The following PRKAR2B variants were observed in gnomAD, a reference collection of about 807,000 sequenced individuals.
PRKAR2B encodes protein kinase cAMP-dependent type II regulatory subunit beta, also known as cAMP-dependent protein kinase type II-beta regulatory subunit.
Under a neutral mutation model 49.9 loss-of-function variants are expected in PRKAR2B, and 14 were observed. The observed-to-expected ratio is 0.28, with a 90% CI of 0.19 to 0.44. PRKAR2B has a LOEUF of 0.44. PRKAR2B is among the 20% of genes least tolerant of loss of function. PRKAR2B has a pLI of 1.00. For missense variants in PRKAR2B, 393 were observed against 537.9 expected, an observed-to-expected ratio of 0.73 and a Z score of 2.67; for synonymous variants, 196 against 197.7, an observed-to-expected ratio of 0.99 and a Z score of 0.07.
intron 1 of PRKAR2B, chr7:107,069,782 G>A (rs1250872556): frequency 6.6e-6 from 1 of 152,518 alleles, no homozygotes; most frequent in Non-Finnish European, 1.5e-5. Context: ...TTCAGCTAAA[G>A]ATGATTTCAA....
intron 10 of PRKAR2B, among the ~76,000 whole-genome samples, chr7:107,159,066 C>G (rs967774656): frequency 2.6e-5 from 4 of 152,178 alleles, no homozygotes; most frequent in African/African-American, 7.2e-5. Context: ...GAGAAGGGAA[C>G]ACAGGATAGA....
intron 3 of PRKAR2B, among the ~76,000 whole-genome samples, chr7:107,122,579 A>G (rs1795407562): frequency 6.6e-6 from 1 of 152,202 alleles, no homozygotes; most frequent in Non-Finnish European, 1.5e-5. Flanking sequence ...CTAAAAGATG[A>G]CTATGCCTGG....
intron 2 of PRKAR2B, among the ~76,000 whole-genome samples, chr7:107,116,465 T>C (rs934627403): frequency 6.6e-6 from 1 of 152,200 alleles, no homozygotes; most frequent in Non-Finnish European, 1.5e-5. Context: ...ATAGTACATA[T>C]ATAATATTGA....
chr7:107,137,669 T>G (rs1371805989), intron 4 of PRKAR2B, among the ~76,000 whole-genome samples: 1 of 152,224 alleles, frequency 6.6e-6, no homozygotes, highest in Non-Finnish European at 1.5e-5. Context: ...ACCGGAAGTC[T>G]GTGTGAGAAT....
chr7:107,124,348 T>C (rs1050896095), intron 3 of PRKAR2B, among the ~76,000 whole-genome samples: 3 of 152,218 alleles, frequency 2.0e-5, no homozygotes, highest in Non-Finnish European at 4.4e-5. Context: ...GGCCTGGTGC[T>C]AGGTGTAAAG....
chr7:107,066,017 A>G (rs1794129400), intron 1 of PRKAR2B, among the ~76,000 whole-genome samples: 2 of 152,224 alleles, frequency 1.3e-5, no homozygotes, highest in African/African-American at 4.8e-5. Context: ...ATCTAGTGGA[A>G]TATAGTTTGG....
chr7:107,133,542 G>A (rs1401798129), intron 4 of PRKAR2B: 1 of 152,088 alleles, frequency 6.6e-6, no homozygotes, highest in Non-Finnish European at 1.5e-5. Context: ...AACTCATTTG[G>A]GTAGAATGGT....
chr7:107,117,731 A>G (rs1475190499), intron 2 of PRKAR2B, among the ~76,000 whole-genome samples: 2 of 152,172 alleles, frequency 1.3e-5, no homozygotes, highest in Non-Finnish European at 2.9e-5. Flanking sequence ...TCCCTCATCT[A>G]TCATTCTTTA....
intron 7 of PRKAR2B, among the ~76,000 whole-genome samples, chr7:107,151,961 C>T (rs1795996427): frequency 6.6e-6 from 1 of 152,204 alleles, no homozygotes; most frequent in Non-Finnish European, 1.5e-5. Context: ...CAAGGCCCCT[C>T]CCTTGAAGGT....
At position 107,159,665 on chromosome 7, in the gene PRKAR2B, A is replaced by G. The variant is rs1052771786; in HGVS notation, c.*83A>G. The G allele has an allele frequency of 7.0e-7, 1 of 1,433,512 alleles. No homozygotes were observed. Among genetic ancestry groups the G allele is most frequent in the African/African-American group, 1.4e-5 (1 of 69,902 alleles). The allele number at this position is 1,433,512 out of a possible 1,614,324, so 88.8% of individuals were successfully genotyped here. A position where few individuals can be genotyped will look rare whatever the true frequency, so the allele number is the denominator to read the frequency against. On this transcript the variant is annotated 3_prime_UTR_variant, in exon 11 of 11. Transcript: ENST00000265717. ...CTGAGAATGTGTTTGTGTAGATGCC[A>G]AGCATTTTCTGTGATTTCAGGTTTT...
intron 2 of PRKAR2B, chr7:107,078,173 A>G (rs1424657921): frequency 6.8e-6 from 1 of 147,500 alleles, no homozygotes; most frequent in Non-Finnish European, 1.5e-5. Flanking sequence ...TGTACACTCC[A>G]AGCCTGGATG....
At chr7:107,062,001 A>C (rs1257847031) in intron 1 of PRKAR2B, among the ~76,000 whole-genome samples, 1 of 152,176 alleles carries the variant, frequency 6.6e-6, no homozygotes, top group East Asian at 1.9e-4. Flanking sequence ...ACCATTAAAC[A>C]CACACATCAT....
At chr7:107,145,526 T>C (rs1160858523) in intron 5 of PRKAR2B, among the ~76,000 whole-genome samples, 1 of 152,206 alleles carries the variant, frequency 6.6e-6, no homozygotes, top group Non-Finnish European at 1.5e-5. Flanking sequence ...CTTATGCTTT[T>C]AGATAACTAC....
intron 2 of PRKAR2B, among the ~76,000 whole-genome samples, chr7:107,118,550 G>A (rs1795324429): frequency 6.6e-6 from 1 of 152,164 alleles, no homozygotes; most frequent in Admixed American, 6.5e-5. Flanking sequence ...GTTCCTGGAG[G>A]GCTGCGTCTC....
At chr7:107,128,354 G>A in intron 4 of PRKAR2B, 59 bp downstream of exon 4, 1 of 1,289,182 alleles carries the variant, frequency 7.8e-7, no homozygotes, top group Non-Finnish European at 1.1e-6. Flanking sequence ...ACAGTGTCAA[G>A]AACTGTACAG....
At chr7:107,103,687 C>G (rs1043818489) in intron 2 of PRKAR2B, among the ~76,000 whole-genome samples, 6 of 152,240 alleles carry the variant, frequency 3.9e-5, no homozygotes, top group African/African-American at 1.4e-4. Context: ...CCAAGGTAGA[C>G]TTACTGGCTT....
At position 107,128,291 on chromosome 7, in the gene PRKAR2B, A is replaced by G; in HGVS notation, c.476A>G (p.Asp159Gly). The G allele has an allele frequency of 1.2e-6, 2 of 1,603,036 alleles. No homozygotes were observed. The highest frequency in any genetic ancestry group is 1.7e-6 in the Non-Finnish European group (2 of 1,170,042). ...GACATCCTGCTGTTTAAGAATCTGGATCCGGTAAGATAAATCTTAATAATA... is the reference window on the plus strand; with the variant it reads ...GACATCCTGCTGTTTAAGAATCTGGGTCCGGTAAGATAAATCTTAATAATA... Reference protein sequence around the residue: ...CKDILLFKNLDPEQMSQVLDA... With the variant: ...CKDILLFKNLGPEQMSQVLDA... The change falls in exon 4 of 11, where the codon GAT (aspartate) becomes GGT (glycine). Residue 159 changes from aspartate (D) to glycine (G), a missense_variant. Asp to Gly is a moderately conservative substitution (Grantham distance 94). Transcript: ENST00000265717.
chr7:107,140,752 T>C, intron 4 of PRKAR2B, 95 bp from the exon 5 acceptor site: 1 of 821,020 alleles, frequency 1.2e-6, no homozygotes, highest in South Asian at 1.9e-5. Context: ...TATTTCCATT[T>C]CTTTGGACTT....
chr7:107,114,253 T>C (rs1404511965), intron 2 of PRKAR2B, among the ~76,000 whole-genome samples: 1 of 151,110 alleles, frequency 6.6e-6, no homozygotes, highest in African/African-American at 2.4e-5. Flanking sequence ...TTGTTTTTCC[T>C]TTGGAGGCAT....
Sources: gnomAD v4.1 joint callset for allele counts (sites outside exome capture counted in the v4.1 genomes callset) on GRCh38, gnomAD v4.1.1 for gene constraint, MANE v1.5 for transcripts, NCBI Gene and HGNC (gene_info 2026-07-23, HGNC 2026-07-21) for gene names.